Variants in MAPRE2 observed in about 807,000 individuals in gnomAD.
The protein encoded by MAPRE2 is microtubule-associated protein RP/EB family member 2.
Under a neutral mutation model 43.2 loss-of-function variants are expected in MAPRE2, and 13 were observed. The observed-to-expected ratio is 0.30, with a 90% CI of 0.20 to 0.48. The LOEUF (loss-of-function observed/expected upper bound fraction) is 0.48. Among genes scored for constraint, MAPRE2 ranks in the 20% least tolerant of loss-of-function variants. MAPRE2 has a pLI of 0.99. For missense variants in MAPRE2, 161 were observed against 400.2 expected (o/e 0.40, Z 5.10); for synonymous variants, 135 against 148.8 (o/e 0.91, Z 0.68).
At chr18:35,037,353 C>A (rs12958091), upstream of MAPRE2, among the ~76,000 whole-genome samples, 5,764 of 152,338 alleles carry the variant, frequency 0.038, 117 homozygotes, top group South Asian at 0.065. Flanking sequence ...ATCTCCACAG[C>A]AGCACTATGG....
intron 2 of MAPRE2, among the ~76,000 whole-genome samples, chr18:35,022,240 GA>G (rs1236492041): frequency 6.6e-6 from 1 of 152,116 alleles, no homozygotes; most frequent in East Asian, 1.9e-4. Context: ...TGGAACTAAT[GA>G]AAGAATCCAA....
In MAPRE2 at chr18:35,099,686, A is replaced by G. The variant is rs75440301; in HGVS notation, c.396+2095A>G. ...AGGAATTCTTCCTTGTAAGCAGACA[A>G]TTCACTGAAGTTTGGGGGAAGTGAG... On this transcript the variant is annotated intron_variant, in intron 3 of 6. Coordinates refer to ENST00000300249, the MANE Select transcript of MAPRE2 (RefSeq NM_014268.4). Among the ~76,000 whole-genome samples the G allele has an allele frequency of 8.9e-3, 1,360 of 152,300 alleles. 14 individuals are homozygous for G. Among genetic ancestry groups the G allele is most frequent in the African/African-American group, 0.031 (1,301 of 41,566 alleles).
chr18:35,065,316 A>G (rs1906782808), intron 1 of MAPRE2, among the ~76,000 whole-genome samples: 1 of 151,976 alleles, frequency 6.6e-6, no homozygotes, highest in Non-Finnish European at 1.5e-5. Flanking sequence ...AAAAACAAAA[A>G]GTGTATTCCC....
At chr18:35,016,204 A>G (rs1336356403) in intron 2 of MAPRE2, among the ~76,000 whole-genome samples, 2 of 151,914 alleles carry the variant, frequency 1.3e-5, no homozygotes, top group Non-Finnish European at 2.9e-5. Context: ...TCCACTGTGG[A>G]TAGACTCCTA....
At chr18:35,084,105 C>T (rs1907761677) in intron 2 of MAPRE2, among the ~76,000 whole-genome samples, 1 of 152,066 alleles carries the variant, frequency 6.6e-6, no homozygotes, top group Non-Finnish European at 1.5e-5. Flanking sequence ...GAAACCCTGT[C>T]TCTACTAAAA....
At chr18:34,989,084 C>T (rs2097022460) in intron 1 of MAPRE2, among the ~76,000 whole-genome samples, 1 of 152,102 alleles carries the variant, frequency 6.6e-6, no homozygotes, top group Non-Finnish European at 1.5e-5. Context: ...TCTATTTATC[C>T]TTTTGTTGTT....
At chr18:34,985,331 A>ATT in intron 1 of MAPRE2, among the ~76,000 whole-genome samples, 1 of 36,240 alleles carries the variant, frequency 2.8e-5, no homozygotes. Flanking sequence ...TATATAATAT[A>ATT]ATATATAATA....
intron 3 of MAPRE2, among the ~76,000 whole-genome samples, chr18:35,099,190 A>G (rs1232465164): frequency 6.6e-6 from 1 of 152,234 alleles, no homozygotes; most frequent in East Asian, 1.9e-4. Context: ...TAGACAAAAT[A>G]TAGTAGTTTG....
intron 1 of MAPRE2, among the ~76,000 whole-genome samples, chr18:35,057,313 T>G (rs1263702581): frequency 1.3e-5 from 2 of 152,094 alleles, no homozygotes; most frequent in Admixed American, 1.3e-4. Context: ...CCATGCCCTC[T>G]GTTATTTCTA....
rs556967913 is a variant in MAPRE2, at chr18:35,076,580, AG to A, written c.250+6264del. 1.2e-3 allele frequency among the ~76,000 whole-genome samples: 182 copies of A among 152,248 alleles called. 1 individual carries two copies. Among genetic ancestry groups the A allele is most frequent in the African/African-American group, 4.2e-3 (176 of 41,548 alleles). On this transcript the variant is annotated intron_variant, in intron 2 of 6. Transcript: ENST00000300249. Reference sequence around the variant, plus strand: ...TTTACCCTGACAGACTCCCCAGGCTAGGGGGGCCTTTGTCTTATGACACAGG... The same window carrying A: ...TTTACCCTGACAGACTCCCCAGGCTAGGGGGCCTTTGTCTTATGACACAGG...
chr18:35,131,243 G>C (rs1910129380), intron 5 of MAPRE2, among the ~76,000 whole-genome samples: 1 of 152,166 alleles, frequency 6.6e-6, no homozygotes, highest in Non-Finnish European at 1.5e-5. Context: ...GGGACGGAGA[G>C]TCCTCAACAT....
chr18:35,121,148 G>A (rs189569124), intron 4 of MAPRE2, among the ~76,000 whole-genome samples: 57 of 152,334 alleles, frequency 3.7e-4, no homozygotes, highest in Middle Eastern at 3.4e-3. Context: ...ATAAAGCCAA[G>A]TCCAGTGCTT....
intron 1 of MAPRE2, among the ~76,000 whole-genome samples, chr18:34,981,727 A>G (rs967202871): frequency 6.6e-6 from 1 of 152,066 alleles, no homozygotes; most frequent in Non-Finnish European, 1.5e-5. Context: ...CTCCTTTTCC[A>G]GTGTTTATTG....
chr18:35,060,292 T>C (rs1206058456), intron 1 of MAPRE2, among the ~76,000 whole-genome samples: 1 of 151,810 alleles, frequency 6.6e-6, no homozygotes, highest in Non-Finnish European at 1.5e-5. Context: ...GGGAGCTGAG[T>C]TGGCGGGGGA....
At chr18:34,983,877 G>A (rs1449921908) in intron 1 of MAPRE2, among the ~76,000 whole-genome samples, 4 of 152,130 alleles carry the variant, frequency 2.6e-5, no homozygotes, top group Non-Finnish European at 4.4e-5. Context: ...TGATCCACCC[G>A]CCTCAGCCCC....
In MAPRE2 at chr18:35,117,470, G is replaced by A. The variant is rs187679906; in HGVS notation, c.611-9478G>A. Among the ~76,000 whole-genome samples, 45 of 152,322 alleles carry A rather than the reference G, an allele frequency of 3.0e-4. No individual in the cohort carries two copies. The East Asian group carries it at 6.8e-3, about 23-fold the overall frequency. ...AAGACATTATACACTTAGTACTTAC[G>A]TTCCCCCAAAATGACCATCCTAGTG... is the stretch of plus-strand genomic sequence containing the variant. On this transcript the variant is annotated intron_variant, in intron 4 of 6. Coordinates refer to ENST00000300249, the MANE Select transcript of MAPRE2 (RefSeq NM_014268.4).
chr18:35,009,713 T>G (rs2097033515), intron 2 of MAPRE2, among the ~76,000 whole-genome samples: 1 of 152,202 alleles, frequency 6.6e-6, no homozygotes, highest in African/African-American at 2.4e-5. Flanking sequence ...GACCTACAAC[T>G]TGGCCCTCAC....
At chr18:35,059,643 G>A (rs1231762817) in intron 1 of MAPRE2, among the ~76,000 whole-genome samples, 1 of 152,142 alleles carries the variant, frequency 6.6e-6, no homozygotes, top group African/African-American at 2.4e-5. Flanking sequence ...TAGTATCACC[G>A]AGGGCAGAGT....
intron 2 of MAPRE2, among the ~76,000 whole-genome samples, chr18:35,082,600 C>T (rs1907695211): frequency 6.6e-6 from 1 of 152,018 alleles, no homozygotes; most frequent in Non-Finnish European, 1.5e-5. Flanking sequence ...TTGCCCTATT[C>T]TTCCTGATCA....
Sources: gnomAD v4.1 joint callset for allele counts (sites outside exome capture counted in the v4.1 genomes callset) on GRCh38, gnomAD v4.1.1 for gene constraint, MANE v1.5 for transcripts, NCBI Gene and HGNC (gene_info 2026-07-23, HGNC 2026-07-21) for gene names.